The following DNTT variants were observed in gnomAD, a reference collection of about 807,000 sequenced individuals.
DNTT encodes nucleosidetriphosphate:DNA deoxynucleotidylexotransferase.
A neutral mutation model predicts 60.9 loss-of-function variants in DNTT; 47 were observed. The ratio of observed to expected loss-of-function variants is 0.77; its 90% confidence interval spans 0.61 to 0.98. The LOEUF is 0.98. DNTT is among the 50% of genes least tolerant of loss of function. DNTT has a pLI of 0.00. For synonymous variants in DNTT, 224 were observed against 221.2 expected, an observed-to-expected ratio of 1.01 and a Z score of -0.11; for missense variants, 665 against 627.5, an observed-to-expected ratio of 1.06 and a Z score of -0.64.
intron 1 of DNTT, among the ~76,000 whole-genome samples, chr10:96,310,020 G>A (rs1333066154): frequency 6.6e-6 from 1 of 152,112 alleles, no homozygotes; most frequent in Non-Finnish European, 1.5e-5. Flanking sequence ...TGGGAGGGAG[G>A]GCCTAACTTC....
intron 8 of DNTT, 96 bp downstream of exon 8, chr10:96,328,926 T>A: frequency 8.4e-7 from 1 of 1,196,518 alleles, no homozygotes; most frequent in Non-Finnish European, 1.2e-6. Context: ...AATGACCATC[T>A]AATCAATTCT....
At chr10:96,328,599 T>TA (rs982515380) in intron 7 of DNTT, 126 bp from the exon 8 acceptor site, 69 of 863,706 alleles carry the variant, frequency 8.0e-5, no homozygotes, top group Non-Finnish European at 1.0e-4. Flanking sequence ...TTTTGTTTCT[T>TA]AAAAAAAAGT....
At chr10:96,324,506 C>T in intron 6 of DNTT, 117 bp downstream of exon 6, 1 of 1,443,148 alleles carries the variant, frequency 6.9e-7, no homozygotes, top group Non-Finnish European at 9.4e-7. Flanking sequence ...CTTTGATGTC[C>T]ATTGATGCTT....
intron 9 of DNTT, among the ~76,000 whole-genome samples, chr10:96,333,266 G>A (rs1019071181): frequency 5.3e-5 from 8 of 152,174 alleles, no homozygotes; most frequent in Admixed American, 2.6e-4. Context: ...ACCACAATAA[G>A]ATGTTATCTC....
At chr10:96,313,942 T>TA (rs981726351) in intron 1 of DNTT, among the ~76,000 whole-genome samples, 14 of 152,180 alleles carry the variant, frequency 9.2e-5, no homozygotes, top group African/African-American at 3.4e-4. Context: ...CTCAGAGGTT[T>TA]AGGGAAAACC....
Position 96,328,791 on chromosome 10 carries a change from G to A in DNTT, c.1074G>A (p.Glu358=), listed in dbSNP as rs1353407634. The A allele has an allele frequency of 6.2e-7, 1 of 1,613,746 alleles. No individual in the cohort carries two copies. The highest frequency in any genetic ancestry group is 1.1e-5 in the South Asian group (1 of 91,002). Residue 358 remains glutamate (E), a synonymous_variant, in exon 8 of 11, where the codon GAG becomes GAA. Transcript: ENST00000371174. ...ITSPGSTEDE[E]QLLQKVMNLW... ...GCCCAGGATCAACAGAGGATGAAGA[G>A]CAACTTTTACAGAAAGTGATGAACT...
intron 6 of DNTT, among the ~76,000 whole-genome samples, chr10:96,324,783 G>A (rs544991837): frequency 6.6e-6 from 1 of 152,320 alleles, no homozygotes; most frequent in African/African-American, 2.4e-5. Context: ...TCCGGACATT[G>A]GGTCCTGGCT....
chr10:96,324,047 G>A (rs1348545957), intron 5 of DNTT, among the ~76,000 whole-genome samples: 1 of 152,054 alleles, frequency 6.6e-6, no homozygotes, highest in Non-Finnish European at 1.5e-5. Context: ...TGTTACTTCT[G>A]TTTCATTTTG....
At chr10:96,307,262 G>A (rs1844649132) in intron 1 of DNTT, among the ~76,000 whole-genome samples, 1 of 151,106 alleles carries the variant, frequency 6.6e-6, no homozygotes. Flanking sequence ...AAAGAAACCC[G>A]TCAACATGTT....
chr10:96,322,247 C>G (rs1383988199), intron 4 of DNTT, among the ~76,000 whole-genome samples: 2 of 152,318 alleles, frequency 1.3e-5, no homozygotes, highest in East Asian at 3.9e-4. Context: ...CTAGACATCA[C>G]AAGGGCTTGA....
chr10:96,327,499 T>C lies in DNTT; in HGVS notation c.906T>C (p.Cys302=), dbSNP rs1317827364. 6.2e-7 allele frequency: 1 copy of C among 1,614,128 alleles called. No homozygotes were observed. The highest frequency in any genetic ancestry group is 8.5e-7 in the Non-Finnish European group (1 of 1,179,972). ...GFLYYEDLVS[C]VTRAEAEAVS... is the part of the protein sequence containing the mutation. ...TGTATTATGAAGACCTTGTCAGCTG[T>C]GTGACCAGGGCAGAAGCAGAGGCCG... Residue 302 remains cysteine, a synonymous_variant, in exon 7 of 11, where the codon TGT becomes TGC. Coordinates refer to ENST00000371174, the MANE Select transcript of DNTT (RefSeq NM_004088.4).
At chr10:96,335,051 C>A (rs777370272) in intron 9 of DNTT, among the ~76,000 whole-genome samples, 1 of 152,202 alleles carries the variant, frequency 6.6e-6, no homozygotes, top group Admixed American at 6.5e-5. Context: ...TCAACCATCC[C>A]GGGTGAGCTT....
At position 96,320,703 on chromosome 10, in the gene DNTT, T is replaced by C. The variant is rs1844858583; in HGVS notation, c.593T>C (p.Leu198Ser). 1 of 1,613,902 alleles carries C rather than the reference T, an allele frequency of 6.2e-7. No individual in the cohort carries two copies. Among genetic ancestry groups the C allele is most frequent in the South Asian group, 1.1e-5 (1 of 91,072 alleles). Residue 198 changes from leucine (L) to serine (S), a missense_variant, in exon 4 of 11, where the codon TTG (leucine) becomes TCG (serine). Coordinates refer to ENST00000371174, the MANE Select transcript of DNTT (RefSeq NM_004088.4). ...CVTFMRAASV[L>S]KSLPFTIISM... ...ACATTTATGAGAGCAGCTTCTGTAT[T>C]GAAATCTCTGCCATTCACAATCATC...
chr10:96,331,394 T>C (rs1233490831), intron 8 of DNTT, among the ~76,000 whole-genome samples: 1 of 152,194 alleles, frequency 6.6e-6, no homozygotes. Flanking sequence ...CTGCAGGATG[T>C]ATAAGAAGCA....
chr10:96,320,815 C>T (rs757289430), intron 4 of DNTT, 27 bp downstream of exon 4: 31 of 1,611,170 alleles, frequency 1.9e-5, no homozygotes, highest in Non-Finnish European at 2.5e-5. Context: ...ATTTGTCCCA[C>T]TTCCCAATAG....
In DNTT at chr10:96,304,460, C is replaced by T. The variant is rs1235414129; in HGVS notation, c.-38C>T. Reference sequence around the variant, plus strand: ...GTCTCCCTCCCTTCTGGAGACACCACCAGATGGGCCAGCCAGAGGCAGCAG... The same window carrying T: ...GTCTCCCTCCCTTCTGGAGACACCATCAGATGGGCCAGCCAGAGGCAGCAG... On this transcript the variant is annotated 5_prime_UTR_variant, in exon 1 of 11. Coordinates refer to ENST00000371174, the MANE Select transcript of DNTT (RefSeq NM_004088.4). 1 of 1,611,472 alleles carries T rather than the reference C, an allele frequency of 6.2e-7. No homozygotes were observed. Among genetic ancestry groups the T allele is most frequent in the African/African-American group, 1.3e-5 (1 of 74,952 alleles).
At chr10:96,318,825 C>A (rs956779342) in intron 2 of DNTT, among the ~76,000 whole-genome samples, 4 of 152,336 alleles carry the variant, frequency 2.6e-5, no homozygotes, top group African/African-American at 7.2e-5. Flanking sequence ...CACATTTATA[C>A]ACAAATCTTT....
chr10:96,322,636 T>A, intron 4 of DNTT, 21 bp from the exon 5 acceptor site: 1 of 1,571,114 alleles, frequency 6.4e-7, no homozygotes, highest in East Asian at 2.3e-5. Flanking sequence ...TAATTTAAAA[T>A]ATTTTTCAAC....
At position 96,332,486 on chromosome 10, in the gene DNTT, G is replaced by C; in HGVS notation, c.1249G>C (p.Asp417His). Residue 417 changes from aspartate to histidine, a missense_variant, in exon 9 of 11, where the codon GAC becomes CAC. Coordinates refer to ENST00000371174, the MANE Select transcript of DNTT (RefSeq NM_004088.4). ...FKLPRQRVDS[D>H]QSSWQEGKTW... ...ATTGCCTCGTCAAAGAGTGGACAGT[G>C]ACCAGTCCAGCTGGCAGGAAGGAAA... is the stretch of plus-strand genomic sequence containing the variant. The C allele has an allele frequency of 6.2e-7, 1 of 1,614,156 alleles. No individual in the cohort carries two copies. Among genetic ancestry groups the C allele is most frequent in the Non-Finnish European group, 8.5e-7 (1 of 1,180,016 alleles).
Sources: gnomAD v4.1 joint callset for allele counts (sites outside exome capture counted in the v4.1 genomes callset) on GRCh38, gnomAD v4.1.1 for gene constraint, MANE v1.5 for transcripts, NCBI Gene and HGNC (gene_info 2026-07-23, HGNC 2026-07-21) for gene names.